Variants in KAT6B observed in about 807,000 individuals in gnomAD.
The protein encoded by KAT6B is lysine acetyltransferase 6B, also known as histone acetyltransferase KAT6B.
Under a neutral mutation model 187.5 loss-of-function variants are expected in KAT6B, and 10 were observed. The observed-to-expected ratio is 0.05, with a 90% CI of 0.03 to 0.09. The LOEUF (loss-of-function observed/expected upper bound fraction) is 0.09, where lower values mean the gene tolerates loss of function less well. Ranked by LOEUF, KAT6B falls within the 10% of genes least tolerant of loss-of-function variation. KAT6B has a pLI of 1.00. For missense variants in KAT6B, 1,952 were observed against 2,558.9 expected, an observed-to-expected ratio of 0.76 and a Z score of 5.12; for synonymous variants, 861 against 926.8, an observed-to-expected ratio of 0.93 and a Z score of 1.29.
intron 1 of KAT6B, among the ~76,000 whole-genome samples, chr10:74,833,477 A>G (rs937929750): frequency 6.6e-6 from 1 of 152,190 alleles, no homozygotes; most frequent in Non-Finnish European, 1.5e-5. Flanking sequence ...GACTGAAACT[A>G]TTGAGCACTT....
chr10:74,913,237 C>A (rs575896477), intron 3 of KAT6B, among the ~76,000 whole-genome samples: 15 of 152,228 alleles, frequency 9.9e-5, no homozygotes, highest in African/African-American at 3.6e-4. Context: ...ACCATGGTCC[C>A]CCCTTATCCA....
intron 6 of KAT6B, 64 bp downstream of exon 6, chr10:74,970,165 C>G: frequency 8.1e-7 from 1 of 1,235,096 alleles, no homozygotes; most frequent in East Asian, 2.3e-5. Context: ...GTCCTGAGGT[C>G]TGACAGCTCA....
intron 17 of KAT6B, among the ~76,000 whole-genome samples, chr10:75,027,270 C>T (rs992117544): frequency 3.9e-5 from 6 of 152,224 alleles, no homozygotes; most frequent in Non-Finnish European, 8.8e-5. Context: ...TTCTACATCA[C>T]ATATGTGTTC....
intron 13 of KAT6B, among the ~76,000 whole-genome samples, chr10:75,007,491 G>A (rs1223412416): frequency 6.6e-6 from 1 of 152,084 alleles, no homozygotes; most frequent in Non-Finnish European, 1.5e-5. Flanking sequence ...CTGTTCTAGT[G>A]CCTGGACTGT....
At chr10:75,013,970 C>T (rs1844797910) in intron 13 of KAT6B, among the ~76,000 whole-genome samples, 1 of 152,200 alleles carries the variant, frequency 6.6e-6, no homozygotes, top group Admixed American at 6.5e-5. Context: ...TACGGGTGCC[C>T]TGTTACCCAG....
In KAT6B at chr10:75,030,980, A is replaced by T. The variant is rs748450865; in HGVS notation, c.6156A>T (p.Gly2052=). 8 of 1,614,222 alleles carry T rather than the reference A, an allele frequency of 5.0e-6. No homozygotes were observed. The highest frequency in any genetic ancestry group is 6.8e-6 in the Non-Finnish European group (8 of 1,180,034). ...GTAACATGATGTACACGGCCCCCGG[A>T]CATCACGGCTACATGAACACAGGCA... ...PHGNMMYTAP[G]HHGYMNTGMS... Residue 2052 remains glycine (G), a synonymous_variant, in exon 18 of 18, where the codon GGA becomes GGT. Coordinates refer to ENST00000287239, the MANE Select transcript of KAT6B (RefSeq NM_012330.4). The surrounding 1 kb of genome is among the most constrained non-coding windows in gnomAD (Gnocchi z 4.8).
At chr10:74,921,341 T>C (rs1848111933) in intron 3 of KAT6B, among the ~76,000 whole-genome samples, 1 of 152,134 alleles carries the variant, frequency 6.6e-6, no homozygotes. Context: ...CTGGAACTCC[T>C]GACCTCAGGT....
At chr10:74,975,187 A>G (rs962800864) in intron 7 of KAT6B, among the ~76,000 whole-genome samples, 6 of 152,136 alleles carry the variant, frequency 3.9e-5, no homozygotes, top group African/African-American at 1.2e-4. Context: ...TTCTTCCAGT[A>G]CCTGGTGGAT....
chr10:74,933,602 G>A (rs1420758981), intron 3 of KAT6B, among the ~76,000 whole-genome samples: 2 of 152,168 alleles, frequency 1.3e-5, no homozygotes, highest in African/African-American at 2.4e-5. Flanking sequence ...ATCCCTTTAA[G>A]TGAGAAAGGC....
intron 3 of KAT6B, among the ~76,000 whole-genome samples, chr10:74,898,504 C>T (rs374953661): frequency 2.0e-5 from 3 of 151,762 alleles, no homozygotes; most frequent in African/African-American, 2.4e-5. Context: ...AAGGCTGGAG[C>T]GCAGTGGCTG....
intron 3 of KAT6B, among the ~76,000 whole-genome samples, chr10:74,908,900 CT>C (rs1846992015): frequency 6.6e-6 from 1 of 152,176 alleles, no homozygotes; most frequent in Non-Finnish European, 1.5e-5. Context: ...GCCTTGACTC[CT>C]TTTCCCTGAA....
intron 9 of KAT6B, 51 bp downstream of exon 9, chr10:74,977,488 A>G (rs750976556): frequency 1.3e-6 from 2 of 1,599,202 alleles, no homozygotes; most frequent in Non-Finnish European, 1.7e-6. Flanking sequence ...GTGGCTTCTA[A>G]CTATTAATAT....
At chr10:75,027,532 G>A (rs1031992915) in intron 17 of KAT6B, among the ~76,000 whole-genome samples, 1 of 151,850 alleles carries the variant, frequency 6.6e-6, no homozygotes, top group Non-Finnish European at 1.5e-5. Context: ...TAGAAGATTG[G>A]TGTAATCTAA....
chr10:75,030,786 ACT>A lies in KAT6B; in HGVS notation c.5966_5967del (p.Leu1989GlnfsTer56). The A allele has an allele frequency of 6.2e-7, 1 of 1,614,114 alleles. No homozygotes were observed. The highest frequency in any genetic ancestry group is 8.5e-7 in the Non-Finnish European group (1 of 1,180,024). On this transcript the variant is annotated frameshift_variant, in exon 18 of 18. Coordinates refer to ENST00000287239, the MANE Select transcript of KAT6B (RefSeq NM_012330.4). LOFTEE classifies it high-confidence loss of function. This position sits in a 1 kb window ranked among gnomAD's most constrained non-coding sequence, Gnocchi z 4.8. ...NVNSVNMNMN[T>X]LNAMNGYSMS... The stretch of plus-strand genomic sequence containing the variant: ...CAACTCTGTGAACATGAACATGAAC[ACT>A]CTCAACGCCATGAATGGGTACAGCA...
intron 17 of KAT6B, among the ~76,000 whole-genome samples, chr10:75,026,567 T>C (rs1845852027): frequency 6.6e-6 from 1 of 151,978 alleles, no homozygotes; most frequent in Non-Finnish European, 1.5e-5. Context: ...CTGCATACAG[T>C]ATTTTGCTGA....
intron 1 of KAT6B, among the ~76,000 whole-genome samples, chr10:74,836,286 G>C (rs940461594): frequency 1.1e-4 from 16 of 152,178 alleles, no homozygotes; most frequent in Non-Finnish European, 1.2e-4. Context: ...ATGGGTGTAC[G>C]TGTACTTATT....
At chr10:74,941,926 G>C (rs1849692734) in intron 3 of KAT6B, among the ~76,000 whole-genome samples, 1 of 152,188 alleles carries the variant, frequency 6.6e-6, no homozygotes, top group Non-Finnish European at 1.5e-5. Flanking sequence ...CAGATCACTT[G>C]AGGTCAGGAG....
At chr10:75,013,498 G>C (rs568991721) in intron 13 of KAT6B, among the ~76,000 whole-genome samples, 1 of 152,272 alleles carries the variant, frequency 6.6e-6, no homozygotes, top group African/African-American at 2.4e-5. Context: ...TCAGGCAAAA[G>C]TAGGAAAACA....
intron 3 of KAT6B, among the ~76,000 whole-genome samples, chr10:74,938,108 G>A (rs549345550): frequency 9.9e-5 from 15 of 152,222 alleles, no homozygotes; most frequent in South Asian, 2.1e-4. Flanking sequence ...GCCTCACCTG[G>A]CTGTTTCGTT....
Sources: allele counts gnomAD v4.1 joint callset (sites outside exome capture counted in the v4.1 genomes callset), GRCh38; gene constraint gnomAD v4.1.1; non-coding constraint Gnocchi (gnomAD v3.1); transcripts MANE v1.5; gene names NCBI Gene and HGNC (gene_info 2026-07-23, HGNC 2026-07-21).